Variants in RBMS3 observed in about 807,000 individuals in gnomAD.
RBMS3 encodes RNA binding motif single stranded interacting protein 3, also known as RNA-binding motif, single-stranded-interacting protein 3.
RBMS3 carries 27 observed loss-of-function variants against 66.8 expected under a neutral mutation model. That is an observed-to-expected ratio of 0.40 (90% confidence interval 0.30 to 0.56). The LOEUF is 0.56. Ranked by LOEUF, RBMS3 falls within the 20% of genes least tolerant of loss-of-function variation. RBMS3 has a pLI of 0.40. For missense variants in RBMS3, 513 were observed against 549.5 expected (o/e 0.93, Z 0.66); for synonymous variants, 188 against 183.0 (o/e 1.03, Z -0.22).
chr3:29,443,972 T>A (rs936833834), intron 2 of RBMS3, among the ~76,000 whole-genome samples: 3 of 152,076 alleles, frequency 2.0e-5, no homozygotes, highest in African/African-American at 4.8e-5. Context: ...ATGAAAAGGA[T>A]TGTGGAAAGT....
rs114584068 is a variant in RBMS3, at chr3:29,317,972, G to T, written c.75+36216G>T. On this transcript the variant is annotated intron_variant, in intron 1 of 14. Coordinates refer to ENST00000383767, the MANE Select transcript of RBMS3 (RefSeq NM_001003793.3). ...ATGAATGCAATCTTATTTTATCTTA[G>T]TTAATTTTTTTCCCAAGAATTCCTT... Among the ~76,000 whole-genome samples, 333 of 151,560 alleles carry T rather than the reference G, an allele frequency of 2.2e-3. 1 individual carries two copies. The highest frequency in any genetic ancestry group is 3.4e-3 in the Admixed American group (51 of 15,148).
chr3:29,897,881 T>G (rs927343468), intron 9 of RBMS3, among the ~76,000 whole-genome samples: 1 of 151,696 alleles, frequency 6.6e-6, no homozygotes, highest in African/African-American at 2.4e-5. Context: ...CATCTCATTT[T>G]GTCATGGTTG....
At chr3:29,510,882 C>G (rs937317236) in intron 3 of RBMS3, among the ~76,000 whole-genome samples, 2 of 152,190 alleles carry the variant, frequency 1.3e-5, no homozygotes, top group Admixed American at 1.3e-4. Flanking sequence ...TGTGCCCACT[C>G]TGTGCTAAAA....
At chr3:29,303,886 A>T (rs1472673042) in intron 1 of RBMS3, among the ~76,000 whole-genome samples, 1 of 151,946 alleles carries the variant, frequency 6.6e-6, no homozygotes, top group Non-Finnish European at 1.5e-5. Flanking sequence ...GGGAGGTGAA[A>T]GGCACTTCTT....
chr3:29,674,470 G>A lies in RBMS3; in HGVS notation c.400-65250G>A, dbSNP rs192666162. ...CGAAAGAGGAAGTCAAATTGTCCCC[G>A]TTTGCAGATGACATGATTGTATATT... On this transcript the variant is annotated intron_variant, in intron 4 of 14. Transcript: ENST00000383767. Among the ~76,000 whole-genome samples the A allele has an allele frequency of 8.5e-5, 13 of 152,148 alleles. No homozygotes were observed. In the East Asian group the frequency reaches 1.7e-3, roughly 20 times the overall value.
At chr3:29,873,564 T>C (rs1400916447) in intron 7 of RBMS3, among the ~76,000 whole-genome samples, 1 of 152,170 alleles carries the variant, frequency 6.6e-6, no homozygotes, top group Non-Finnish European at 1.5e-5. Context: ...TCTTCCTATT[T>C]GGATGCCCTT....
intron 8 of RBMS3, among the ~76,000 whole-genome samples, chr3:29,889,841 C>A (rs1487606735): frequency 6.6e-6 from 1 of 151,584 alleles, no homozygotes; most frequent in African/African-American, 2.4e-5. Flanking sequence ...TGCTTGGCTC[C>A]AGCAAGTTGA....
intron 8 of RBMS3, among the ~76,000 whole-genome samples, chr3:29,892,048 G>A (rs1205845782): frequency 6.6e-6 from 1 of 151,416 alleles, no homozygotes; most frequent in Non-Finnish European, 1.5e-5. Context: ...AGTGAAATAA[G>A]ATTTTACCAT....
intron 3 of RBMS3, among the ~76,000 whole-genome samples, chr3:29,502,144 C>G (rs1007685298): frequency 6.6e-6 from 1 of 152,004 alleles, no homozygotes; most frequent in Non-Finnish European, 1.5e-5. Context: ...AAAACCAGCC[C>G]GCTTCACTCA....
chr3:29,545,075 G>T (rs2045903142), intron 3 of RBMS3, among the ~76,000 whole-genome samples: 1 of 151,900 alleles, frequency 6.6e-6, no homozygotes, highest in Non-Finnish European at 1.5e-5. Context: ...ATTTATGACA[G>T]CAACACAATG....
At chr3:29,734,829 T>C (rs1253711957) in intron 4 of RBMS3, among the ~76,000 whole-genome samples, 1 of 152,150 alleles carries the variant, frequency 6.6e-6, no homozygotes, top group Non-Finnish European at 1.5e-5. Flanking sequence ...GACTTGCATT[T>C]TGCATATCCT....
intron 3 of RBMS3, among the ~76,000 whole-genome samples, chr3:29,561,717 C>T (rs1316804603): frequency 6.6e-6 from 1 of 152,152 alleles, no homozygotes; most frequent in East Asian, 1.9e-4. Context: ...TCCCAAAGTG[C>T]TAGGATTACA....
chr3:29,713,275 C>A (rs17024247), intron 4 of RBMS3, among the ~76,000 whole-genome samples: 6,474 of 152,050 alleles, frequency 0.043, 166 homozygotes, highest in Admixed American at 0.075. Flanking sequence ...AGTGTTTGCC[C>A]TCTGTTCCCA....
intron 12 of RBMS3, among the ~76,000 whole-genome samples, chr3:29,960,299 C>T (rs1436664292): frequency 2.0e-5 from 3 of 152,230 alleles, no homozygotes; most frequent in Admixed American, 1.3e-4. Flanking sequence ...TCCTTTGACT[C>T]CATGTCTCAC....
At chr3:29,875,246 A>C (rs2059585891) in intron 7 of RBMS3, among the ~76,000 whole-genome samples, 1 of 152,128 alleles carries the variant, frequency 6.6e-6, no homozygotes, top group Non-Finnish European at 1.5e-5. Flanking sequence ...ACAGTTTACA[A>C]CCTCCAGGTA....
chr3:29,357,045 T>TTA (rs1471619090), intron 1 of RBMS3, among the ~76,000 whole-genome samples: 2 of 152,062 alleles, frequency 1.3e-5, no homozygotes, highest in South Asian at 2.1e-4. Context: ...TATTTTATTT[T>TTA]TATATATATA....
chr3:29,837,432 T>C lies in RBMS3; in HGVS notation c.638-31426T>C, dbSNP rs192421410. 4.7e-3 allele frequency among the ~76,000 whole-genome samples: 712 copies of C among 151,632 alleles called. 7 individuals are homozygous for C. The highest frequency in any genetic ancestry group is 0.017 in the African/African-American group (687 of 41,418). ...TACATTTAGAACATTTAATCTGGAT[T>C]TTTGTACCATTCAGTAAAAGTAGTC... On this transcript the variant is annotated intron_variant, in intron 6 of 14. Transcript: ENST00000383767.
intron 6 of RBMS3, among the ~76,000 whole-genome samples, chr3:29,816,919 G>A (rs927864724): frequency 1.3e-5 from 2 of 151,868 alleles, no homozygotes; most frequent in Admixed American, 6.6e-5. Context: ...GTGATACCCC[G>A]TCTCTACTAA....
chr3:29,328,298 C>T, intron 1 of RBMS3, among the ~76,000 whole-genome samples: 1 of 152,098 alleles, frequency 6.6e-6, no homozygotes, highest in Non-Finnish European at 1.5e-5. Flanking sequence ...AATGAAAAGT[C>T]TGTGAGAACA....
Sources: gnomAD v4.1 joint callset for allele counts (sites outside exome capture counted in the v4.1 genomes callset) on GRCh38, gnomAD v4.1.1 for gene constraint, MANE v1.5 for transcripts, NCBI Gene and HGNC (gene_info 2026-07-23, HGNC 2026-07-21) for gene names.